PHACTR1: variants seen among roughly 807,000 people sequenced by gnomAD.
PHACTR1 encodes the protein RPEL repeat containing 1.
In PHACTR1, 16 loss-of-function variants were observed where a neutral mutation model predicts 69.2. The observed-to-expected ratio is 0.23, with a 90% CI of 0.16 to 0.35. PHACTR1 has a LOEUF of 0.35. Ranked by LOEUF, PHACTR1 falls within the 10% of genes least tolerant of loss-of-function variation. The pLI is 1.00. For missense variants in PHACTR1, 510 were observed against 734.7 expected, an observed-to-expected ratio of 0.69 and a Z score of 3.54; for synonymous variants, 312 against 284.5, an observed-to-expected ratio of 1.10 and a Z score of -0.97.
At chr6:13,012,962 G>A (rs1332085886) in intron 4 of PHACTR1, among the ~76,000 whole-genome samples, 4 of 152,184 alleles carry the variant, frequency 2.6e-5, no homozygotes, top group African/African-American at 7.2e-5. Flanking sequence ...GATCGCTTGG[G>A]CCCGGGAGTT....
chr6:13,233,519 C>A (rs1311693278), intron 10 of PHACTR1, among the ~76,000 whole-genome samples: 1 of 152,098 alleles, frequency 6.6e-6, no homozygotes, highest in Non-Finnish European at 1.5e-5. Context: ...AGGAAACTTA[C>A]AATCATGGCA....
chr6:13,178,517 A>C (rs1761723136), intron 6 of PHACTR1, among the ~76,000 whole-genome samples: 1 of 152,258 alleles, frequency 6.6e-6, no homozygotes, highest in African/African-American at 2.4e-5. Flanking sequence ...TCTCACCCAG[A>C]AACTACTGGG....
At chr6:12,996,349 A>G (rs1313675687) in intron 4 of PHACTR1, among the ~76,000 whole-genome samples, 3 of 152,202 alleles carry the variant, frequency 2.0e-5, no homozygotes, top group African/African-American at 7.2e-5. Flanking sequence ...CAAAAACAAA[A>G]CAAAAGAAGG....
intron 4 of PHACTR1, among the ~76,000 whole-genome samples, chr6:12,782,835 G>A (rs921563811): frequency 1.3e-5 from 2 of 152,146 alleles, no homozygotes; most frequent in Non-Finnish European, 2.9e-5. Context: ...AATTATTCAA[G>A]TAGACACAGT....
In PHACTR1 at chr6:13,218,455, G is replaced by A. The variant is rs550275043; in HGVS notation, c.987-9361G>A. On this transcript the variant is annotated intron_variant, in intron 8 of 14. Transcript: ENST00000332995. Reference sequence around the variant, plus strand: ...GTATGAAAGACTGAAAGTAAAGTCTGGGCCTTACCCTTATCCAGTAATGAA... The same window carrying A: ...GTATGAAAGACTGAAAGTAAAGTCTAGGCCTTACCCTTATCCAGTAATGAA... 9.2e-5 allele frequency among the ~76,000 whole-genome samples: 14 copies of A among 152,242 alleles called. No homozygotes were observed. In the South Asian group the frequency reaches 2.7e-3, roughly 29 times the overall value.
At chr6:13,010,954 G>A (rs1799386976) in intron 4 of PHACTR1, among the ~76,000 whole-genome samples, 2 of 152,204 alleles carry the variant, frequency 1.3e-5, no homozygotes, top group Non-Finnish European at 2.9e-5. Flanking sequence ...GCCTGCTGAG[G>A]CAAGGAGGTA....
At chr6:12,784,495 C>T (rs1024598225) in intron 4 of PHACTR1, among the ~76,000 whole-genome samples, 4 of 151,198 alleles carry the variant, frequency 2.6e-5, no homozygotes, top group African/African-American at 9.8e-5. Context: ...CATATACACA[C>T]ATATATACAT....
chr6:13,222,491 C>T (rs531288054), intron 8 of PHACTR1, among the ~76,000 whole-genome samples: 47 of 152,344 alleles, frequency 3.1e-4, no homozygotes, highest in Non-Finnish European at 5.6e-4. Flanking sequence ...GAATGCCAGC[C>T]TCACACCTGA....
chr6:13,073,782 T>C (rs1809936271), intron 5 of PHACTR1, among the ~76,000 whole-genome samples: 1 of 152,234 alleles, frequency 6.6e-6, no homozygotes, highest in South Asian at 2.1e-4. Flanking sequence ...AGCCCCTTTT[T>C]TTCATATTAG....
At chr6:13,141,207 G>C (rs1029073146) in intron 5 of PHACTR1, among the ~76,000 whole-genome samples, 28 of 152,266 alleles carry the variant, frequency 1.8e-4, no homozygotes, top group African/African-American at 5.5e-4. Flanking sequence ...CCTAACTCCA[G>C]CCAAGATTGT....
chr6:13,061,256 G>T (rs1807639476), intron 5 of PHACTR1, among the ~76,000 whole-genome samples: 1 of 152,108 alleles, frequency 6.6e-6, no homozygotes, highest in African/African-American at 2.4e-5. Flanking sequence ...TGTTGTATCT[G>T]CAAAGACCTT....
At chr6:13,079,939 T>A (rs1444935256) in intron 5 of PHACTR1, among the ~76,000 whole-genome samples, 1 of 152,138 alleles carries the variant, frequency 6.6e-6, no homozygotes, top group African/African-American at 2.4e-5. Context: ...CTTCCTCTCG[T>A]TTTGACAGCC....
intron 5 of PHACTR1, among the ~76,000 whole-genome samples, chr6:13,118,355 G>T (rs1818122917): frequency 6.6e-6 from 1 of 152,140 alleles, no homozygotes; most frequent in Admixed American, 6.5e-5. Context: ...AGGGAAGCAA[G>T]GAATCAAGAA....
chr6:12,737,989 A>G (rs751996460), intron 3 of PHACTR1, among the ~76,000 whole-genome samples: 4 of 152,084 alleles, frequency 2.6e-5, no homozygotes, highest in South Asian at 2.1e-4. Context: ...TTGTATTTCA[A>G]TTTTGTCAGT....
At chr6:13,165,472 C>T (rs1429712017) in intron 6 of PHACTR1, among the ~76,000 whole-genome samples, 1 of 152,108 alleles carries the variant, frequency 6.6e-6, no homozygotes, top group Non-Finnish European at 1.5e-5. Flanking sequence ...AAGGAGTTGC[C>T]TCGGTATGGA....
chr6:12,815,017 G>A (rs1334604570), intron 4 of PHACTR1, among the ~76,000 whole-genome samples: 1 of 152,192 alleles, frequency 6.6e-6, no homozygotes, highest in Non-Finnish European at 1.5e-5. Flanking sequence ...GGTGCCAACT[G>A]TCATTGTAAT....
At chr6:12,718,625 T>A in intron 2 of PHACTR1, 74 bp from the exon 3 acceptor site, 1 of 426,338 alleles carries the variant, frequency 2.3e-6, no homozygotes. Context: ...TATTCAAACA[T>A]TTTAAAGTAC....
At chr6:13,216,090 G>T (rs768331229) in intron 8 of PHACTR1, among the ~76,000 whole-genome samples, 2 of 152,104 alleles carry the variant, frequency 1.3e-5, no homozygotes, top group Non-Finnish European at 2.9e-5. Context: ...TATTGAAAAA[G>T]GAATCATTTT....
intron 4 of PHACTR1, among the ~76,000 whole-genome samples, chr6:12,902,822 A>G (rs1229950192): frequency 1.3e-5 from 2 of 152,192 alleles, no homozygotes; most frequent in Non-Finnish European, 2.9e-5. Context: ...TGAACTATCC[A>G]TATTTTGATA....
Sources: gnomAD v4.1 joint callset for allele counts (sites outside exome capture counted in the v4.1 genomes callset) on GRCh38, gnomAD v4.1.1 for gene constraint, MANE v1.5 for transcripts, NCBI Gene and HGNC (gene_info 2026-07-23, HGNC 2026-07-21) for gene names.